Variants in RALGPS1 observed in about 807,000 individuals in gnomAD.
The protein encoded by RALGPS1 is Ral GEF with PH domain and SH3 binding motif 1, also known as ras-specific guanine nucleotide-releasing factor RalGPS1.
Under a neutral mutation model 78.8 loss-of-function variants are expected in RALGPS1, and 19 were observed. That is an observed-to-expected ratio of 0.24 (90% CI 0.17 to 0.35). The LOEUF (loss-of-function observed/expected upper bound fraction) is 0.35, where lower values mean the gene tolerates loss of function less well. Ranked by LOEUF, RALGPS1 falls within the 10% of genes least tolerant of loss-of-function variation. RALGPS1 has a pLI of 1.00. For synonymous variants in RALGPS1, 228 were observed against 256.3 expected, an observed-to-expected ratio of 0.89 and a Z score of 1.06; for missense variants, 454 against 688.3, an observed-to-expected ratio of 0.66 and a Z score of 3.81.
At chr9:127,197,134 A>G (rs2061389666) in intron 13 of RALGPS1, among the ~76,000 whole-genome samples, 1 of 152,210 alleles carries the variant, frequency 6.6e-6, no homozygotes, top group African/African-American at 2.4e-5. Context: ...ATGAAATTGC[A>G]TCACTGAGTG....
intron 8 of RALGPS1, among the ~76,000 whole-genome samples, chr9:127,125,106 C>G (rs895183840): frequency 1.3e-5 from 2 of 152,220 alleles, no homozygotes; most frequent in African/African-American, 4.8e-5. Flanking sequence ...CCCTCACTTT[C>G]CTCATCTGTA....
At chr9:127,028,809 C>G (rs2046173845) in intron 4 of RALGPS1, among the ~76,000 whole-genome samples, 1 of 152,160 alleles carries the variant, frequency 6.6e-6, no homozygotes, top group Non-Finnish European at 1.5e-5. Flanking sequence ...TTTTCAGATG[C>G]AGAAAGTCAG....
chr9:127,146,928 A>G (rs1240295723), intron 8 of RALGPS1, among the ~76,000 whole-genome samples: 2 of 152,220 alleles, frequency 1.3e-5, no homozygotes, highest in African/African-American at 2.4e-5. Flanking sequence ...TAGTAGCTCT[A>G]TTTTAAGTTC....
intron 7 of RALGPS1, among the ~76,000 whole-genome samples, chr9:127,054,306 T>C (rs1204456568): frequency 6.6e-6 from 1 of 152,184 alleles, no homozygotes; most frequent in African/African-American, 2.4e-5. Context: ...TTAGATGCTG[T>C]TATTGTTTTT....
intron 14 of RALGPS1, among the ~76,000 whole-genome samples, chr9:127,210,232 G>A (rs995848824): frequency 6.6e-5 from 10 of 152,208 alleles, no homozygotes; most frequent in Admixed American, 3.3e-4. Context: ...CTGTCCAGTC[G>A]AGAGCAAACA....
Position 127,197,607 on chromosome 9 carries a change from G to A in RALGPS1, c.1195+976G>A, listed in dbSNP as rs145193524. On this transcript the variant is annotated intron_variant, in intron 13 of 18. Transcript: ENST00000259351. ...CATGGGCAATATCAGTCCAGGGGTC[G>A]CTGTCTCCCACGCCCTGGAAGTCTG... Among the ~76,000 whole-genome samples, 223 of 152,286 alleles carry A rather than the reference G, an allele frequency of 1.5e-3. 1 individual carries two copies. Among genetic ancestry groups the A allele is most frequent in the Middle Eastern group, 3.4e-3 (1 of 294 alleles).
At chr9:127,207,360 C>T (rs189086990) in intron 14 of RALGPS1, among the ~76,000 whole-genome samples, 24 of 152,302 alleles carry the variant, frequency 1.6e-4, no homozygotes, top group Admixed American at 1.4e-3. Context: ...AGTCCTCCTT[C>T]TGACTCCACC....
At position 127,217,268 on chromosome 9, in the gene RALGPS1, T is replaced by C. The variant is rs1564815430; in HGVS notation, c.1645-1472T>C. 6.9e-6 allele frequency: 8 copies of C among 1,162,988 alleles called. No individual in the cohort carries two copies. The East Asian group carries it at 3.3e-4, about 48-fold the overall frequency. 72.0% of individuals were successfully genotyped at this position (1,162,988 alleles called of 1,614,324 possible). ...TTTTTCTTCCTACTTTCCCCCTTTT[T>C]TATTTCTAATTTACTTTCAACCAAA... On this transcript the variant is annotated intron_variant, in intron 18 of 18. Coordinates refer to ENST00000259351, the MANE Select transcript of RALGPS1 (RefSeq NM_014636.3).
intron 11 of RALGPS1, among the ~76,000 whole-genome samples, chr9:127,184,775 G>A (rs765440654): frequency 1.3e-5 from 2 of 152,232 alleles, no homozygotes; most frequent in Non-Finnish European, 2.9e-5. Flanking sequence ...AGCTCAGCGT[G>A]GGGCAGAGGC....
At chr9:127,071,023 A>G (rs550621165) in intron 8 of RALGPS1, among the ~76,000 whole-genome samples, 4 of 148,388 alleles carry the variant, frequency 2.7e-5, no homozygotes, top group African/African-American at 9.9e-5. Flanking sequence ...ATAAATTTGA[A>G]TCTCTCTCTC....
In RALGPS1 at chr9:127,218,808, G is replaced by T. The variant is rs1170075208; in HGVS notation, c.*39G>T. 1 of 1,607,586 alleles carries T rather than the reference G, an allele frequency of 6.2e-7. No individual in the cohort carries two copies. Among genetic ancestry groups the T allele is most frequent in the Middle Eastern group, 1.7e-4 (1 of 6,046 alleles). On this transcript the variant is annotated 3_prime_UTR_variant, in exon 19 of 19. Coordinates refer to ENST00000259351, the MANE Select transcript of RALGPS1 (RefSeq NM_014636.3). This position sits in a 1 kb window ranked among gnomAD's most constrained non-coding sequence, Gnocchi z 4.4. ...GTGGCATGACTTCAGAGGCTTCTGG[G>T]AACCCAGGCTGGGCCTGGTGGTGAA...
intron 10 of RALGPS1, 135 bp downstream of exon 10, chr9:127,168,907 G>A (rs1011741294): frequency 1.8e-4 from 125 of 683,460 alleles, no homozygotes; most frequent in Middle Eastern, 1.8e-3. Context: ...GTCCACAGCA[G>A]TAGCGCCCAG....
At chr9:126,933,057 G>A (rs981025303) in intron 1 of RALGPS1, among the ~76,000 whole-genome samples, 3 of 152,168 alleles carry the variant, frequency 2.0e-5, no homozygotes, top group Admixed American at 6.5e-5. Context: ...GGGGGCAGGG[G>A]CCTGGAACCC....
chr9:127,147,222 GTTAT>G (rs1209706387), intron 8 of RALGPS1, among the ~76,000 whole-genome samples: 4 of 152,054 alleles, frequency 2.6e-5, no homozygotes, highest in Non-Finnish European at 5.9e-5. Flanking sequence ...TTTTAATGGG[GTTAT>G]TTGATTTTTG....
intron 8 of RALGPS1, among the ~76,000 whole-genome samples, chr9:127,077,034 G>C (rs781623269): frequency 2.0e-5 from 3 of 152,210 alleles, no homozygotes; most frequent in Admixed American, 6.5e-5. Context: ...TGCAGTGGAA[G>C]GGAGGGGAAG....
intron 8 of RALGPS1, among the ~76,000 whole-genome samples, chr9:127,098,197 T>C (rs2053348375): frequency 6.6e-6 from 1 of 152,258 alleles, no homozygotes; most frequent in South Asian, 2.1e-4. Context: ...CACAAAGATA[T>C]ATTGACATGA....
At chr9:126,985,338 A>T (rs2041695817) in intron 4 of RALGPS1, among the ~76,000 whole-genome samples, 1 of 152,246 alleles carries the variant, frequency 6.6e-6, no homozygotes. Flanking sequence ...AGCTGAGCTG[A>T]GCTGCATCAT....
intron 1 of RALGPS1, among the ~76,000 whole-genome samples, chr9:126,956,863 T>C (rs2038392937): frequency 6.6e-6 from 1 of 152,250 alleles, no homozygotes; most frequent in Non-Finnish European, 1.5e-5. Flanking sequence ...ACTTGCCCTA[T>C]GTCCAGCCCT....
At chr9:127,163,787 G>A (rs976356397) in intron 8 of RALGPS1, among the ~76,000 whole-genome samples, 1 of 152,200 alleles carries the variant, frequency 6.6e-6, no homozygotes, top group African/African-American at 2.4e-5. Flanking sequence ...AACTCTTAGT[G>A]CAGTGCTCAT....
Sources: gnomAD v4.1 joint callset for allele counts (sites outside exome capture counted in the v4.1 genomes callset) on GRCh38, gnomAD v4.1.1 for gene constraint, Gnocchi (gnomAD v3.1) non-coding constraint, MANE v1.5 for transcripts, NCBI Gene and HGNC (gene_info 2026-07-23, HGNC 2026-07-21) for gene names.